The following RAB18 variants were observed in gnomAD, a reference collection of about 807,000 sequenced individuals.
RAB18 encodes ras-related protein Rab-18.
RAB18 carries 10 observed loss-of-function variants against 28.5 expected under a neutral mutation model. The observed-to-expected ratio is 0.35, with a 90% CI of 0.22 to 0.60. The LOEUF is 0.60. Among genes scored for constraint, RAB18 ranks in the 20% least tolerant of loss-of-function variants. The probability of loss-of-function intolerance (pLI) is 0.78; values close to 1 mark genes in which losing one functional copy is unlikely to be tolerated. For synonymous variants in RAB18, 93 were observed against 86.9 expected (o/e 1.07, Z -0.39); for missense variants, 188 against 244.2 (o/e 0.77, Z 1.53).
In RAB18 at chr10:27,541,007, G is replaced by A. The variant is rs1216909181; in HGVS notation, c.*2956G>A. On this transcript the variant is annotated 3_prime_UTR_variant, in exon 7 of 7. Transcript: ENST00000356940. The stretch of plus-strand genomic sequence containing the variant: ...ACAACTTAATACATATTTTTTCTGT[G>A]TATTTTTTTCAAATGAACTCAACAA... 1 of 452,672 alleles carries A rather than the reference G, an allele frequency of 2.2e-6. No individual in the cohort carries two copies. The allele number at this position is 452,672 out of a possible 1,614,324, so 28.0% of individuals were successfully genotyped here. A position where few individuals can be genotyped will look rare whatever the true frequency, so the allele number is the denominator to read the frequency against.
At chr10:27,528,537 C>T (rs1320334106) in intron 3 of RAB18, among the ~76,000 whole-genome samples, 1 of 152,036 alleles carries the variant, frequency 6.6e-6, no homozygotes, top group Non-Finnish European at 1.5e-5. Context: ...CATTTTTAAA[C>T]CTGTTTGTCC....
chr10:27,505,069 A>G (rs1564825246), intron 1 of RAB18: 1 of 533,530 alleles, frequency 1.9e-6, no homozygotes, highest in Non-Finnish European at 3.8e-6. Context: ...ACCTTTGAAA[A>G]TAAAATGTAA....
intron 3 of RAB18, among the ~76,000 whole-genome samples, chr10:27,529,815 A>T (rs962118562): frequency 6.6e-6 from 1 of 152,102 alleles, no homozygotes; most frequent in South Asian, 2.1e-4. Flanking sequence ...TCCTGATGCG[A>T]TGCTATTGCA....
rs139240584 is a variant in RAB18, at chr10:27,504,435, C to G, written c.66C>G (p.Ser22=). ...LIIGESGVGK[S]SLLLRFTDDT... ...TCGGCGAGAGTGGGGTGGGCAAGTC[C>G]AGGTGAGGCGGAGGTGCGGGTCGTG... The change falls in exon 1 of 7, where the codon TCC becomes TCG. Residue 22 remains serine, a splice_region_variant and synonymous_variant. Coordinates refer to ENST00000356940, the MANE Select transcript of RAB18 (RefSeq NM_021252.5). 6.4e-6 allele frequency: 10 copies of G among 1,564,364 alleles called. No individual in the cohort carries two copies. Among genetic ancestry groups the G allele is most frequent in the Non-Finnish European group, 7.8e-6 (9 of 1,153,712 alleles).
At chr10:27,513,249 G>T (rs1041816001) in intron 2 of RAB18, among the ~76,000 whole-genome samples, 3 of 151,738 alleles carry the variant, frequency 2.0e-5, no homozygotes, top group African/African-American at 7.3e-5. Context: ...TGGCCAGGCT[G>T]GTCTTGAACT....
chr10:27,538,807 G>T lies in RAB18; in HGVS notation c.*756G>T, dbSNP rs571782173. The T allele has an allele frequency of 4.4e-6, 2 of 454,030 alleles. No homozygotes were observed. The highest frequency in any genetic ancestry group is 8.8e-6 in the Non-Finnish European group (2 of 226,756). 28.1% of individuals were successfully genotyped at this position (454,030 alleles called of 1,614,324 possible). ...GTTTTCCCCCATTTTGGTTTCAGGA[G>T]GACATGAATAGTGTGTTTATTGTAA... On this transcript the variant is annotated 3_prime_UTR_variant, in exon 7 of 7. Transcript: ENST00000356940.
chr10:27,523,288 T>G (rs945347885), intron 2 of RAB18, among the ~76,000 whole-genome samples: 1 of 98,710 alleles, frequency 1.0e-5, no homozygotes, highest in Non-Finnish European at 2.3e-5. Context: ...TTTTTTTTTT[T>G]GCTAGGGGCT....
intron 3 of RAB18, among the ~76,000 whole-genome samples, chr10:27,528,729 T>C (rs1169218172): frequency 6.6e-6 from 1 of 152,076 alleles, no homozygotes; most frequent in Non-Finnish European, 1.5e-5. Context: ...TGTGTGTACT[T>C]GTCCAGTTAC....
intron 1 of RAB18, among the ~76,000 whole-genome samples, chr10:27,507,617 T>G (rs1223959144): frequency 6.6e-6 from 1 of 151,730 alleles, no homozygotes; most frequent in Non-Finnish European, 1.5e-5. Context: ...TCACACTCTG[T>G]TTATTATAAA....
intron 2 of RAB18, among the ~76,000 whole-genome samples, chr10:27,520,101 T>G (rs548769140): frequency 1.3e-5 from 2 of 152,360 alleles, no homozygotes; most frequent in African/African-American, 4.8e-5. Context: ...TTCATTTTTC[T>G]TAAAGTTCAA....
chr10:27,521,819 A>G (rs981634346), intron 2 of RAB18, among the ~76,000 whole-genome samples: 3 of 152,014 alleles, frequency 2.0e-5, no homozygotes, highest in Admixed American at 2.0e-4. Context: ...GTAACCACAT[A>G]CCACCTCTTC....
chr10:27,533,619 A>G, intron 4 of RAB18, 116 bp from the exon 5 acceptor site: 2 of 1,249,688 alleles, frequency 1.6e-6, no homozygotes, highest in Non-Finnish European at 2.2e-6. Flanking sequence ...GTTGAAGACA[A>G]TAAAAAAAAG....
chr10:27,519,118 T>C (rs1457952568), intron 2 of RAB18, among the ~76,000 whole-genome samples: 1 of 151,848 alleles, frequency 6.6e-6, no homozygotes, highest in East Asian at 1.9e-4. Context: ...AAGTGGGGTT[T>C]ATCCCACATA....
chr10:27,505,032 A>G (rs777061881), intron 1 of RAB18: 8 of 533,428 alleles, frequency 1.5e-5, no homozygotes, highest in Non-Finnish European at 2.3e-5. Flanking sequence ...GCTTTAGTGT[A>G]AGGTCCGAGT....
chr10:27,527,877 G>A (rs915837886), intron 3 of RAB18, among the ~76,000 whole-genome samples: 12 of 152,058 alleles, frequency 7.9e-5, no homozygotes, highest in African/African-American at 2.9e-4. Context: ...TTGTGTAAGT[G>A]TGTTTAATGT....
chr10:27,535,933 A>T (rs1834885893), intron 6 of RAB18, among the ~76,000 whole-genome samples: 1 of 152,028 alleles, frequency 6.6e-6, no homozygotes, highest in South Asian at 2.1e-4. Flanking sequence ...AATACAAAAA[A>T]TTCACCGGGC....
At position 27,541,363 on chromosome 10, in the gene RAB18, T is replaced by G. The variant is rs1835024646; in HGVS notation, c.*3312T>G. On this transcript the variant is annotated 3_prime_UTR_variant, in exon 7 of 7. Transcript: ENST00000356940. ...CCAGGTCTTTTTTTTTTTTTTTAAT[T>G]TTTCTCTCCTCAGTTGGGAACATCT... The G allele has an allele frequency of 2.2e-6, 1 of 444,554 alleles. No individual in the cohort carries two copies. The highest frequency in any genetic ancestry group is 2.0e-5 in the African/African-American group (1 of 48,998). 27.5% of individuals were successfully genotyped at this position (444,554 alleles called of 1,614,324 possible). A position where few individuals can be genotyped will look rare whatever the true frequency, so the allele number is the denominator to read the frequency against.
intron 2 of RAB18, among the ~76,000 whole-genome samples, chr10:27,515,924 G>T (rs1834429583): frequency 6.6e-6 from 1 of 151,994 alleles, no homozygotes; most frequent in East Asian, 1.9e-4. Flanking sequence ...TCTTAAGATA[G>T]TTGCACATAG....
chr10:27,539,643 A>G lies in RAB18; in HGVS notation c.*1592A>G. 2.2e-6 allele frequency: 1 copy of G among 453,420 alleles called. No homozygotes were observed. Among genetic ancestry groups the G allele is most frequent in the Non-Finnish European group, 4.4e-6 (1 of 226,544 alleles). The allele number at this position is 453,420 out of a possible 1,614,324, so 28.1% of individuals were successfully genotyped here. The stretch of plus-strand genomic sequence containing the variant: ...ATTTGTGTATTTATGTAGAGTCTGT[A>G]TTGACAAGACTGTTGTTTTTTGCTC... On this transcript the variant is annotated 3_prime_UTR_variant, in exon 7 of 7. Coordinates refer to ENST00000356940, the MANE Select transcript of RAB18 (RefSeq NM_021252.5).
Sources: gnomAD v4.1 joint callset for allele counts (sites outside exome capture counted in the v4.1 genomes callset) on GRCh38, gnomAD v4.1.1 for gene constraint, MANE v1.5 for transcripts, NCBI Gene and HGNC (gene_info 2026-07-23, HGNC 2026-07-21) for gene names.